The following ZNF738 variants were observed in gnomAD, a reference collection of about 807,000 sequenced individuals.
ZNF738 encodes protein ZNF738.
ZNF738 carries 10 observed loss-of-function variants against 9.2 expected under a neutral mutation model. The observed-to-expected ratio is 1.09, with a 90% CI of 0.67 to 1.85. The LOEUF (loss-of-function observed/expected upper bound fraction) is 1.85, where lower values mean the gene tolerates loss of function less well. ZNF738 is among the 40% of genes most tolerant of loss of function. The pLI, the probability that ZNF738 is intolerant of heterozygous loss-of-function variation, is 0.00. For missense variants in ZNF738, 346 were observed against 283.6 expected (o/e 1.22, Z -1.58); for synonymous variants, 113 against 94.5 (o/e 1.20, Z -1.14).
At chr19:21,366,216 G>A (rs1973776178) in intron 2 of ZNF738, among the ~76,000 whole-genome samples, 1 of 152,178 alleles carries the variant, frequency 6.6e-6, no homozygotes, top group Non-Finnish European at 1.5e-5. Context: ...ATCCAGTGGT[G>A]TGAAACCAGT....
rs1188706778 is a variant in ZNF738, at chr19:21,386,045, A to C, written c.*2371A>C. 6.6e-6 allele frequency among the ~76,000 whole-genome samples: 1 copy of C among 152,160 alleles called. No individual in the cohort carries two copies. The highest frequency in any genetic ancestry group is 1.5e-5 in the Non-Finnish European group (1 of 68,030). On this transcript the variant is annotated 3_prime_UTR_variant, in exon 5 of 5. Coordinates refer to ENST00000683779, the MANE Select transcript of ZNF738 (RefSeq NM_001355237.2). ...TGAAGAATATCTCAAAACTTTTTAT[A>C]GATTCTCATACCTTATTAAACATAA...
chr19:21,379,662 TA>T (rs1973981724), intron 4 of ZNF738, among the ~76,000 whole-genome samples: 1 of 152,144 alleles, frequency 6.6e-6, no homozygotes, highest in Non-Finnish European at 1.5e-5. Context: ...AAGCAAGCAA[TA>T]AAGATACATG....
rs746465150 is a variant in ZNF738 at position 21,381,516 on chromosome 19, T to C, written c.320-1350T>C. 16 of 866,914 alleles carry C rather than the reference T, an allele frequency of 1.8e-5. 1 individual carries two copies. Among genetic ancestry groups the C allele is most frequent in the Non-Finnish European group, 2.7e-5 (14 of 528,178 alleles). The allele number at this position is 866,914 out of a possible 1,614,324, so 53.7% of individuals were successfully genotyped here. A position where few individuals can be genotyped will look rare whatever the true frequency, so the allele number is the denominator to read the frequency against. Reference sequence around the variant, plus strand: ...TTTTCTTTTTCTTTTTTTTTCGAGATGGAGTCTCATTCTGTCACCCAGGCT... The same window carrying C: ...TTTTCTTTTTCTTTTTTTTTCGAGACGGAGTCTCATTCTGTCACCCAGGCT... On this transcript the variant is annotated intron_variant, in intron 4 of 4. Coordinates refer to ENST00000683779, the MANE Select transcript of ZNF738 (RefSeq NM_001355237.2).
intron 1 of ZNF738, among the ~76,000 whole-genome samples, chr19:21,361,097 A>G (rs1006282611): frequency 9.3e-5 from 14 of 151,014 alleles, no homozygotes; most frequent in African/African-American, 3.4e-4. Context: ...TACAGGCGTG[A>G]GCCACTGCGC....
At position 21,359,205 on chromosome 19, in the gene ZNF738, T is replaced by C. The variant is rs1568364896; in HGVS notation, c.3+62T>C. Reference sequence around the variant, plus strand: ...AGGGCTGGTTGGAACCGGTGGGAAGTGGCTGTGGCGAGACTCAGGCCTCCC... The same window carrying C: ...AGGGCTGGTTGGAACCGGTGGGAAGCGGCTGTGGCGAGACTCAGGCCTCCC... On this transcript the variant is annotated intron_variant, in intron 1 of 4. Coordinates refer to ENST00000683779, the MANE Select transcript of ZNF738 (RefSeq NM_001355237.2). 111 of 1,019,738 alleles carry C rather than the reference T, an allele frequency of 1.1e-4. 3 individuals carry two copies. The South Asian group carries it at 1.3e-3, about 11-fold the overall frequency. 63.2% of individuals were successfully genotyped at this position (1,019,738 alleles called of 1,614,324 possible).
intron 2 of ZNF738, among the ~76,000 whole-genome samples, chr19:21,369,416 A>G (rs1973827828): frequency 6.6e-6 from 1 of 152,074 alleles, no homozygotes; most frequent in African/African-American, 2.4e-5. Context: ...CTACCATATT[A>G]TATTTTTTCA....
intron 2 of ZNF738, among the ~76,000 whole-genome samples, chr19:21,364,243 C>A (rs1973744455): frequency 1.4e-5 from 2 of 144,320 alleles, no homozygotes. Flanking sequence ...AGGAGGAATA[C>A]CAATTATAAA....
intron 2 of ZNF738, among the ~76,000 whole-genome samples, chr19:21,373,385 G>C (rs1297546996): frequency 1.3e-5 from 2 of 152,158 alleles, no homozygotes; most frequent in Non-Finnish European, 2.9e-5. Context: ...ATACATTCAT[G>C]AGAGTTAAGT....
chr19:21,365,463 G>C (rs1973763701), intron 2 of ZNF738, among the ~76,000 whole-genome samples: 1 of 151,832 alleles, frequency 6.6e-6, no homozygotes, highest in Non-Finnish European at 1.5e-5. Context: ...TAATCATAAG[G>C]GTTACAGAGG....
intron 2 of ZNF738, among the ~76,000 whole-genome samples, chr19:21,364,089 T>G (rs1973740611): frequency 1.4e-5 from 2 of 145,960 alleles, no homozygotes; most frequent in South Asian, 4.3e-4. Context: ...CCCAGTGACT[T>G]AGGAGCCTGA....
Position 21,364,742 on chromosome 19 carries a change from CT to C in ZNF738, c.96+2906del, listed in dbSNP as rs766954668. Among the ~76,000 whole-genome samples the C allele has an allele frequency of 8.2e-4, 101 of 122,790 alleles. 1 individual carries two copies. The East Asian group carries it at 0.016, about 19-fold the overall frequency. 80.6% of individuals were successfully genotyped at this position (122,790 alleles called of 152,430 possible). On this transcript the variant is annotated intron_variant, in intron 2 of 4. Coordinates refer to ENST00000683779, the MANE Select transcript of ZNF738 (RefSeq NM_001355237.2). ...CTGGTTGCCCATTTTATGGTTCTTT[CT>C]TTTTTTTTTTTTTTTTTTTTTGAGA...
intron 4 of ZNF738, among the ~76,000 whole-genome samples, chr19:21,379,913 G>A (rs559749321): frequency 6.6e-6 from 1 of 152,174 alleles, no homozygotes; most frequent in Non-Finnish European, 1.5e-5. Context: ...TTGAATTCAT[G>A]AGAATCAGCT....
At chr19:21,360,269 A>C (rs1270989036) in intron 1 of ZNF738, among the ~76,000 whole-genome samples, 1 of 100,966 alleles carries the variant, frequency 9.9e-6, no homozygotes, top group East Asian at 3.3e-4. Context: ...CTCCACAGGG[A>C]ACTGATTTTC....
At chr19:21,381,571 GC>G in intron 4 of ZNF738, 1 of 626,006 alleles carries the variant, frequency 1.6e-6, no homozygotes, top group South Asian at 1.9e-5. Flanking sequence ...TCAGCTCACT[GC>G]AAGCTCCGTC....
Position 21,384,235 on chromosome 19 carries a change from G to T in ZNF738, c.*561G>T. 7.1e-7 allele frequency: 1 copy of T among 1,413,318 alleles called. No homozygotes were observed. Among genetic ancestry groups the T allele is most frequent in the Non-Finnish European group, 1.0e-6 (1 of 1,003,958 alleles). 87.5% of individuals were successfully genotyped at this position (1,413,318 alleles called of 1,614,324 possible). A position where few individuals can be genotyped will look rare whatever the true frequency, so the allele number is the denominator to read the frequency against. ...ACTACACATAAGAGAATTCATACTG[G>T]TGAGAAACCCTACAAATGTGAAGAA... On this transcript the variant is annotated 3_prime_UTR_variant, in exon 5 of 5. Coordinates refer to ENST00000683779, the MANE Select transcript of ZNF738 (RefSeq NM_001355237.2).
At chr19:21,374,439 C>T (rs1304877043) in intron 2 of ZNF738, among the ~76,000 whole-genome samples, 8 of 152,152 alleles carry the variant, frequency 5.3e-5, no homozygotes, top group East Asian at 1.9e-4. Context: ...CTGTGTTCTT[C>T]GGTGTGCGTC....
rs1209706454 is a variant in ZNF738, at chr19:21,386,034, A to G, written c.*2360A>G. Among the ~76,000 whole-genome samples the G allele has an allele frequency of 6.6e-6, 1 of 152,138 alleles. No individual in the cohort carries two copies. The highest frequency in any genetic ancestry group is 2.4e-5 in the African/African-American group (1 of 41,430). On this transcript the variant is annotated 3_prime_UTR_variant, in exon 5 of 5. Transcript: ENST00000683779. ...CCCTACAAATATGAAGAATATCTCA[A>G]AACTTTTTATAGATTCTCATACCTT...
Position 21,383,427 on chromosome 19 carries a change from G to T in ZNF738, c.881G>T (p.Gly294Val). Residue 294 changes from glycine (G) to valine (V), a missense_variant, in exon 5 of 5, where the codon GGC becomes GTC. Transcript: ENST00000683779. Reference sequence around the variant, plus strand: ...AAACACTACAAATGTGAAAAATGTGGCAAAGATTTTAAACAGTCCTCACAC... The same window carrying T: ...AAACACTACAAATGTGAAAAATGTGTCAAAGATTTTAAACAGTCCTCACAC... Reference protein sequence around the residue: ...GEKHYKCEKCGKDFKQSSHLT... With the variant: ...GEKHYKCEKCVKDFKQSSHLT... 1.8e-6 allele frequency: 1 copy of T among 568,930 alleles called. No individual in the cohort carries two copies. Among genetic ancestry groups the T allele is most frequent in the South Asian group, 2.0e-5 (1 of 49,612 alleles). 35.2% of individuals were successfully genotyped at this position (568,930 alleles called of 1,614,324 possible). A position where few individuals can be genotyped will look rare whatever the true frequency, so the allele number is the denominator to read the frequency against.
In ZNF738 at chr19:21,383,461, A is replaced by C; in HGVS notation, c.915A>C (p.Lys305Asn). The change falls in exon 5 of 5, where the codon AAA (lysine) becomes AAC (asparagine). Residue 305 changes from lysine (K) to asparagine (N), a missense_variant. Physicochemically the swap from Lys to Asn is moderately conservative, Grantham distance 94. Transcript: ENST00000683779. ...TTAAACAGTCCTCACACCTTACTAA[A>C]CATAAGACAATTCATGCTGGAGAGA... ...KDFKQSSHLT[K>N]HKTIHAGEKP... 1 of 562,994 alleles carries C rather than the reference A, an allele frequency of 1.8e-6. No individual in the cohort carries two copies. The highest frequency in any genetic ancestry group is 1.9e-5 in the South Asian group (1 of 51,898). The allele number at this position is 562,994 out of a possible 1,614,324, so 34.9% of individuals were successfully genotyped here. A position where few individuals can be genotyped will look rare whatever the true frequency, so the allele number is the denominator to read the frequency against.
Sources: gnomAD v4.1 joint callset for allele counts (sites outside exome capture counted in the v4.1 genomes callset) on GRCh38, gnomAD v4.1.1 for gene constraint, MANE v1.5 for transcripts, NCBI Gene and HGNC (gene_info 2026-07-23, HGNC 2026-07-21) for gene names.